The following MGAT4D variants were observed in gnomAD, a reference collection of about 807,000 sequenced individuals.
The protein encoded by MGAT4D is alpha-1,3-mannosyl-glycoprotein 4-beta-N-acetylglucosaminyltransferase-like protein MGAT4D.
In MGAT4D, 34 loss-of-function variants were observed where a neutral mutation model predicts 15.9. The observed-to-expected ratio is 2.14, with a 90% confidence interval of 1.62 to 2.84. MGAT4D has a LOEUF of 2.84. MGAT4D is among the 30% of genes most tolerant of loss of function. The pLI, the probability that MGAT4D is intolerant of heterozygous loss-of-function variation, is 0.00. For synonymous variants in MGAT4D, 112 were observed against 48.2 expected, an observed-to-expected ratio of 2.33 and a Z score of -5.49; for missense variants, 327 against 140.2, an observed-to-expected ratio of 2.33 and a Z score of -6.73.
chr4:140,443,509 T>C (rs1478418950), intron 10 of MGAT4D, 65 bp from the exon 11 acceptor site: 4 of 485,846 alleles, frequency 8.2e-6, no homozygotes, highest in Non-Finnish European at 1.1e-5. Flanking sequence ...ATGAAATTAT[T>C]TTCATAGCAA....
intron 6 of MGAT4D, among the ~76,000 whole-genome samples, chr4:140,463,412 T>TGTG (rs934261455): frequency 1.3e-5 from 2 of 151,602 alleles, no homozygotes; most frequent in African/African-American, 4.8e-5. Flanking sequence ...GGTGCGAAGG[T>TGTG]GTGGGCAGGC....
At chr4:140,449,410 A>T (rs1337233499) in intron 10 of MGAT4D, among the ~76,000 whole-genome samples, 1 of 152,194 alleles carries the variant, frequency 6.6e-6, no homozygotes, top group Non-Finnish European at 1.5e-5. Flanking sequence ...GAATAGAGAT[A>T]AATAAAATTA....
intron 10 of MGAT4D, 91 bp from the exon 11 acceptor site, chr4:140,443,535 ATT>A (rs1729904559): frequency 2.3e-6 from 1 of 427,326 alleles, no homozygotes; most frequent in Non-Finnish European, 4.1e-6. Flanking sequence ...TAATCATATT[ATT>A]TCCTTATTGT....
chr4:140,487,811 T>A (rs1340202649), intron 1 of MGAT4D, among the ~76,000 whole-genome samples: 1 of 152,192 alleles, frequency 6.6e-6, no homozygotes, highest in African/African-American at 2.4e-5. Context: ...GTTTCTCAGG[T>A]GCACTCACTA....
rs1731212258 is a variant in MGAT4D, at chr4:140,461,923, T to C, written c.762+6A>G. ...CACACACACACACACACACACAATT[T>C]CTGACCTGTAAATAATACTTGGCCT... On this transcript the variant is annotated splice_donor_region_variant and intron_variant, in intron 7 of 10. Coordinates refer to ENST00000511113, the MANE Select transcript of MGAT4D (RefSeq NM_001277353.2). 1.4e-6 allele frequency: 1 copy of C among 691,762 alleles called. No individual in the cohort carries two copies. The allele number at this position is 691,762 out of a possible 1,614,324, so 42.9% of individuals were successfully genotyped here.
In MGAT4D at chr4:140,459,559, C is replaced by A; in HGVS notation, c.830G>T (p.Ser277Ile). The A allele has an allele frequency of 1.9e-6, 1 of 524,222 alleles. No individual in the cohort carries two copies. Among genetic ancestry groups the A allele is most frequent in the African/African-American group, 2.0e-5 (1 of 50,338 alleles). The allele number at this position is 524,222 out of a possible 1,614,324, so 32.5% of individuals were successfully genotyped here. The change falls in exon 8 of 11, where the codon AGT (serine) becomes ATT (isoleucine). Residue 277 changes from serine (S) to isoleucine (I), a missense_variant. By Grantham distance (142) the Ser-to-Ile change is moderately radical. Transcript: ENST00000511113. ...TKITDFVGNI[S>I]SNNWFFIEFS... Reference sequence around the variant, plus strand: ...CTCAATAAAAAACCAATTATTTGAACTGATATTACCTACAAAATCTGTTAT... The same window carrying A: ...CTCAATAAAAAACCAATTATTTGAAATGATATTACCTACAAAATCTGTTAT...
intron 3 of MGAT4D, among the ~76,000 whole-genome samples, chr4:140,478,168 G>T (rs1042018638): frequency 6.6e-6 from 1 of 152,192 alleles, no homozygotes; most frequent in Non-Finnish European, 1.5e-5. Context: ...TCAATAAATT[G>T]TTGGGGAATT....
At position 140,471,878 on chromosome 4, in the gene MGAT4D, A is replaced by G. The variant is rs11944151; in HGVS notation, c.526-57T>C. On this transcript the variant is annotated intron_variant, in intron 4 of 10. Transcript: ENST00000511113. ...AAGCATGTCTCATAGTTCTATTAAT[A>G]CAACTTCTTTTGCTACATATAAATC... 3.9e-3 allele frequency: 1,343 copies of G among 346,690 alleles called. 16 individuals are homozygous for G. Among genetic ancestry groups the G allele is most frequent in the African/African-American group, 0.026 (1,239 of 47,832 alleles). The allele number at this position is 346,690 out of a possible 1,614,324, so 21.5% of individuals were successfully genotyped here. A position where few individuals can be genotyped will look rare whatever the true frequency, so the allele number is the denominator to read the frequency against.
At chr4:140,450,960 G>T (rs1730434458) in intron 10 of MGAT4D, among the ~76,000 whole-genome samples, 2 of 152,074 alleles carry the variant, frequency 1.3e-5, no homozygotes, top group South Asian at 4.1e-4. Context: ...TTTTAAGAAT[G>T]ACTAAAATTC....
intron 2 of MGAT4D, among the ~76,000 whole-genome samples, chr4:140,482,111 G>A (rs1560793859): frequency 6.6e-6 from 1 of 152,158 alleles, no homozygotes; most frequent in South Asian, 2.1e-4. Context: ...GGATGGTGGT[G>A]CAATTCACGG....
intron 2 of MGAT4D, among the ~76,000 whole-genome samples, chr4:140,480,477 G>GA (rs1428016389): frequency 6.6e-6 from 1 of 151,846 alleles, no homozygotes; most frequent in Non-Finnish European, 1.5e-5. Flanking sequence ...ATACATAAAA[G>GA]AAAAATTCAC....
intron 5 of MGAT4D, among the ~76,000 whole-genome samples, chr4:140,468,792 T>C (rs1025190283): frequency 6.6e-6 from 1 of 152,146 alleles, no homozygotes; most frequent in Non-Finnish European, 1.5e-5. Context: ...CCTAAGTTCC[T>C]TCACTGCCAA....
chr4:140,449,112 A>C (rs1730307344), intron 10 of MGAT4D, among the ~76,000 whole-genome samples: 1 of 152,248 alleles, frequency 6.6e-6, no homozygotes, highest in African/African-American at 2.4e-5. Flanking sequence ...AGAGGTAGAA[A>C]ATCATAGAAA....
In MGAT4D at chr4:140,493,287, CTTTTTT is replaced by C. The variant is rs551838799; in HGVS notation, c.94+4836_94+4841del. Among the ~76,000 whole-genome samples the C allele has an allele frequency of 1.8e-4, 20 of 112,478 alleles. No homozygotes were observed. The East Asian group carries it at 3.8e-3, about 21-fold the overall frequency. The allele number at this position is 112,478 out of a possible 152,430, so 73.8% of individuals were successfully genotyped here. On this transcript the variant is annotated intron_variant, in intron 1 of 10. Coordinates refer to ENST00000511113, the MANE Select transcript of MGAT4D (RefSeq NM_001277353.2). ...ACTGTATCTGTTTATTGTTCCTTTACTTTTTTTTTTTTTTTTTTTTTTTCCTGAGAT... is the reference window on the plus strand; with the variant it reads ...ACTGTATCTGTTTATTGTTCCTTTACTTTTTTTTTTTTTTTTTCCTGAGAT...
intron 1 of MGAT4D, among the ~76,000 whole-genome samples, chr4:140,493,352 G>A (rs1733628777): frequency 6.8e-6 from 1 of 146,164 alleles, no homozygotes; most frequent in Non-Finnish European, 1.5e-5. Flanking sequence ...TTGGAGTGCA[G>A]TGGTGCGATC....
At chr4:140,486,873 A>G (rs914737285) in intron 1 of MGAT4D, among the ~76,000 whole-genome samples, 11 of 152,118 alleles carry the variant, frequency 7.2e-5, no homozygotes, top group African/African-American at 2.7e-4. Flanking sequence ...CAAACCTTAG[A>G]GGGAGATGTA....
chr4:140,475,475 T>C (rs1195780006), intron 3 of MGAT4D, among the ~76,000 whole-genome samples: 2 of 152,042 alleles, frequency 1.3e-5, no homozygotes, highest in Admixed American at 6.5e-5. Context: ...ATCTTGGCTG[T>C]ACAGGTGCAG....
At chr4:140,464,714 T>A (rs1201752805) in intron 6 of MGAT4D, among the ~76,000 whole-genome samples, 182 bp downstream of exon 6, 1 of 152,248 alleles carries the variant, frequency 6.6e-6, no homozygotes, top group Admixed American at 6.5e-5. Context: ...TGGCTAATGC[T>A]ATCAACTCGA....
chr4:140,497,707 A>T (rs1297707965), intron 1 of MGAT4D, among the ~76,000 whole-genome samples: 1 of 152,232 alleles, frequency 6.6e-6, no homozygotes, highest in Non-Finnish European at 1.5e-5. Flanking sequence ...GATGTAACCC[A>T]GACCACGAAG....
Sources: allele counts gnomAD v4.1 joint callset (sites outside exome capture counted in the v4.1 genomes callset), GRCh38; gene constraint gnomAD v4.1.1; transcripts MANE v1.5; gene names NCBI Gene and HGNC (gene_info 2026-07-23, HGNC 2026-07-21).